Variants in RALYL observed in about 807,000 individuals in gnomAD.
The protein encoded by RALYL is RNA-binding Raly-like protein.
In RALYL, 29 loss-of-function variants were observed where a neutral mutation model predicts 35.1. The ratio of observed to expected loss-of-function variants is 0.83; its 90% CI spans 0.61 to 1.13. The LOEUF (loss-of-function observed/expected upper bound fraction) is 1.13, where lower values mean the gene tolerates loss of function less well. Ranked by LOEUF, RALYL falls within the 50% of genes most tolerant of loss-of-function variation. The pLI, the probability that RALYL is intolerant of heterozygous loss-of-function variation, is 0.00. For missense variants in RALYL, 359 were observed against 360.4 expected (o/e 1.00, Z 0.03); for synonymous variants, 120 against 127.6 (o/e 0.94, Z 0.40).
chr8:84,543,083 G>A (rs1371369050), intron 2 of RALYL, among the ~76,000 whole-genome samples: 1 of 151,954 alleles, frequency 6.6e-6, no homozygotes, highest in Non-Finnish European at 1.5e-5. Context: ...TTGCTTCTCT[G>A]TGTTTCTTGT....
intron 2 of RALYL, among the ~76,000 whole-genome samples, chr8:84,707,162 A>G (rs534500852): frequency 5.9e-5 from 9 of 152,174 alleles, no homozygotes; most frequent in Non-Finnish European, 1.2e-4. Flanking sequence ...AAGAAGTTTC[A>G]TGCACCACAG....
chr8:84,771,949 G>T (rs544198999), intron 2 of RALYL, among the ~76,000 whole-genome samples: 1 of 152,096 alleles, frequency 6.6e-6, no homozygotes, highest in South Asian at 2.1e-4. Context: ...AGCTCAAAAA[G>T]ATATTCTATT....
chr8:84,908,973 A>G (rs1165401305), intron 8 of RALYL, among the ~76,000 whole-genome samples: 1 of 151,988 alleles, frequency 6.6e-6, no homozygotes. Flanking sequence ...AGAGTTTGAT[A>G]CCTCACAATT....
At chr8:84,287,632 G>GAA (rs368712308) in intron 1 of RALYL, among the ~76,000 whole-genome samples, 2 of 151,484 alleles carry the variant, frequency 1.3e-5, no homozygotes, top group South Asian at 2.1e-4. Flanking sequence ...GGCCATGGGG[G>GAA]AAAAAAAAGC....
chr8:84,570,636 G>A (rs904395684), intron 2 of RALYL, among the ~76,000 whole-genome samples: 7 of 151,804 alleles, frequency 4.6e-5, no homozygotes, highest in African/African-American at 1.7e-4. Context: ...AGTGAGGAGT[G>A]TGCCAGTTCT....
At chr8:84,705,898 C>T (rs986478600) in intron 2 of RALYL, 3 of 1,474,828 alleles carry the variant, frequency 2.0e-6, no homozygotes, top group South Asian at 2.8e-5. Context: ...CCCTGGCTTT[C>T]ACTGTGTGAT....
chr8:84,764,116 G>A (rs962147132), intron 2 of RALYL, among the ~76,000 whole-genome samples: 3 of 152,176 alleles, frequency 2.0e-5, no homozygotes, highest in African/African-American at 7.2e-5. Context: ...GTCTTGGGAA[G>A]AAACCACCTC....
chr8:84,408,887 G>A (rs1046679746), intron 1 of RALYL, among the ~76,000 whole-genome samples: 17 of 151,924 alleles, frequency 1.1e-4, no homozygotes, highest in African/African-American at 3.4e-4. Context: ...AAATATGGCA[G>A]CACTACATGT....
At chr8:84,578,940 C>A (rs897583690) in intron 2 of RALYL, among the ~76,000 whole-genome samples, 1 of 152,312 alleles carries the variant, frequency 6.6e-6, no homozygotes, top group East Asian at 1.9e-4. Context: ...ACAGACTCCA[C>A]GTAGAACTGA....
At chr8:84,364,231 C>A (rs761337725) in intron 1 of RALYL, among the ~76,000 whole-genome samples, 6 of 152,038 alleles carry the variant, frequency 3.9e-5, no homozygotes, top group Non-Finnish European at 7.4e-5. Flanking sequence ...AGGGAGGCTG[C>A]CATTTTCATA....
intron 1 of RALYL, among the ~76,000 whole-genome samples, chr8:84,308,900 C>T (rs896157922): frequency 3.3e-5 from 5 of 151,556 alleles, no homozygotes; most frequent in African/African-American, 1.2e-4. Flanking sequence ...AAAACATGGG[C>T]AAAGATATAA....
intron 2 of RALYL, among the ~76,000 whole-genome samples, chr8:84,749,755 G>A (rs558161985): frequency 1.3e-5 from 2 of 152,316 alleles, no homozygotes; most frequent in South Asian, 2.1e-4. Flanking sequence ...ACAGGCAGAT[G>A]TATCACTTAC....
intron 2 of RALYL, among the ~76,000 whole-genome samples, chr8:84,650,381 A>G (rs1340713124): frequency 6.6e-6 from 1 of 152,148 alleles, no homozygotes; most frequent in African/African-American, 2.4e-5. Context: ...ACAAGAAAAA[A>G]ACAAACAACC....
rs538149171 is a variant in RALYL, at chr8:84,223,895, T to C, written c.-24+39471T>C. ...GAATTAAATTATTCCAATATGTCAA[T>C]AGAAGTTGAGATGAAAAGGAATCAG... On this transcript the variant is annotated intron_variant, in intron 1 of 8. Coordinates refer to ENST00000521268, the MANE Select transcript of RALYL (RefSeq NM_173848.7). Among the ~76,000 whole-genome samples, 117 of 152,256 alleles carry C rather than the reference T, an allele frequency of 7.7e-4. 2 individuals are homozygous for C. The South Asian group carries it at 0.023, about 30-fold the overall frequency.
At chr8:84,375,479 A>G (rs1406652825) in intron 1 of RALYL, among the ~76,000 whole-genome samples, 3 of 151,860 alleles carry the variant, frequency 2.0e-5, no homozygotes, top group Admixed American at 2.0e-4. Flanking sequence ...TAAAGTAGGT[A>G]TTTTATACCT....
chr8:84,200,584 A>G lies in RALYL; in HGVS notation c.-24+16160A>G, dbSNP rs544421417. 4.6e-5 allele frequency among the ~76,000 whole-genome samples: 7 copies of G among 152,242 alleles called. No homozygotes were observed. The East Asian group carries it at 1.3e-3, about 29-fold the overall frequency. ...TAAAATAATTTTAACTGTTAACTAA[A>G]CCACAACAGTTTTGACATTTGTTGC... On this transcript the variant is annotated intron_variant, in intron 1 of 8. Coordinates refer to ENST00000521268, the MANE Select transcript of RALYL (RefSeq NM_173848.7).
In RALYL at chr8:84,594,132, C is replaced by A. The variant is rs1008835884; in HGVS notation, c.256+64555C>A. Among the ~76,000 whole-genome samples the A allele has an allele frequency of 9.2e-5, 14 of 152,168 alleles. No homozygotes were observed. In the Middle Eastern group the frequency reaches 0.01, roughly 111 times the overall value. ...CTAAATCCTCATTCAGTTCATATTT[C>A]TGGCTTCTGATTTCCCATCCCACTT... On this transcript the variant is annotated intron_variant, in intron 2 of 8. Transcript: ENST00000521268.
chr8:84,704,457 A>G (rs1042170721), intron 2 of RALYL, among the ~76,000 whole-genome samples: 6 of 135,098 alleles, frequency 4.4e-5, no homozygotes, highest in Non-Finnish European at 9.5e-5. Flanking sequence ...ACACACACAC[A>G]CACACACACA....
At chr8:84,305,823 G>A (rs1841678955) in intron 1 of RALYL, among the ~76,000 whole-genome samples, 1 of 152,104 alleles carries the variant, frequency 6.6e-6, no homozygotes, top group African/African-American at 2.4e-5. Context: ...AAAATTGAAG[G>A]TAAAATGAAC....
Sources: allele counts gnomAD v4.1 joint callset (sites outside exome capture counted in the v4.1 genomes callset), GRCh38; gene constraint gnomAD v4.1.1; transcripts MANE v1.5; gene names NCBI Gene and HGNC (gene_info 2026-07-23, HGNC 2026-07-21).